The following PTPRE variants were observed in gnomAD, a reference collection of about 807,000 sequenced individuals.
The protein encoded by PTPRE is protein tyrosine phosphatase receptor type E.
Under a neutral mutation model 102.0 loss-of-function variants are expected in PTPRE, and 51 were observed. The ratio of observed to expected loss-of-function variants is 0.50; its 90% CI spans 0.40 to 0.63. The LOEUF is 0.63. Among genes scored for constraint, PTPRE ranks in the 30% least tolerant of loss-of-function variants. PTPRE has a pLI of 0.00. For missense variants in PTPRE, 752 were observed against 915.1 expected (o/e 0.82, Z 2.30); for synonymous variants, 345 against 348.2 (o/e 0.99, Z 0.10).
At chr10:127,984,222 C>A (rs1358760903) in intron 2 of PTPRE, among the ~76,000 whole-genome samples, 1 of 151,800 alleles carries the variant, frequency 6.6e-6, no homozygotes, top group Non-Finnish European at 1.5e-5. Context: ...GCTGGGATTA[C>A]AGACAAGCAC....
rs1013856169 is a variant in PTPRE at position 127,965,840 on chromosome 10, C to G, written c.-30-16434C>G. Among the ~76,000 whole-genome samples, 72 of 152,202 alleles carry G rather than the reference C, an allele frequency of 4.7e-4. 1 individual carries two copies. The highest frequency in any genetic ancestry group is 4.4e-3 in the Admixed American group (68 of 15,290). ...CTTTCTGGAGCAGAACACTGCACAC[C>G]AAATTCACTGGTACTGCAGCCACAA... On this transcript the variant is annotated intron_variant, in intron 1 of 20. Coordinates refer to ENST00000254667, the MANE Select transcript of PTPRE (RefSeq NM_006504.6).
At chr10:128,061,057 G>C in intron 8 of PTPRE, 42 bp downstream of exon 8, 1 of 1,586,088 alleles carries the variant, frequency 6.3e-7, no homozygotes, top group Non-Finnish European at 8.7e-7. Flanking sequence ...CCCAGCTGGG[G>C]CATGAGCAGT....
chr10:127,952,529 A>G (rs1224423454), intron 1 of PTPRE, among the ~76,000 whole-genome samples: 2 of 152,198 alleles, frequency 1.3e-5, no homozygotes, highest in African/African-American at 4.8e-5. Flanking sequence ...ATTGCAGTGC[A>G]TTGTGGGCTG....
chr10:128,079,443 G>T, intron 19 of PTPRE, 117 bp from the exon 20 acceptor site: 1 of 1,350,724 alleles, frequency 7.4e-7, no homozygotes, highest in Non-Finnish European at 1.0e-6. Flanking sequence ...GTCAAACTCA[G>T]ATCATTTTCA....
At chr10:127,960,774 A>G (rs1589837880) in intron 1 of PTPRE, among the ~76,000 whole-genome samples, 1 of 152,194 alleles carries the variant, frequency 6.6e-6, no homozygotes, top group South Asian at 2.1e-4. Flanking sequence ...CTGTAATCCC[A>G]GCACTTTGGG....
chr10:127,961,747 T>A (rs1286329747), intron 1 of PTPRE, among the ~76,000 whole-genome samples: 1 of 152,104 alleles, frequency 6.6e-6, no homozygotes, highest in Non-Finnish European at 1.5e-5. Context: ...AGTCACATAT[T>A]TATTTGTACC....
intron 2 of PTPRE, among the ~76,000 whole-genome samples, chr10:127,997,000 T>C (rs1853334389): frequency 6.6e-6 from 1 of 151,366 alleles, no homozygotes; most frequent in African/African-American, 2.4e-5. Context: ...AAGAAGAAAT[T>C]AAAACATGCA....
chr10:128,011,541 C>T (rs951990603), intron 2 of PTPRE, among the ~76,000 whole-genome samples: 1 of 152,232 alleles, frequency 6.6e-6, no homozygotes, highest in Non-Finnish European at 1.5e-5. Context: ...GCATAGCACC[C>T]GGGCTTCAAG....
intron 20 of PTPRE, among the ~76,000 whole-genome samples, chr10:128,079,974 C>A (rs1398096666): frequency 6.6e-6 from 1 of 152,164 alleles, no homozygotes; most frequent in Non-Finnish European, 1.5e-5. Flanking sequence ...AGGATAGGAG[C>A]TTTTGTGTCA....
intron 1 of PTPRE, among the ~76,000 whole-genome samples, chr10:127,909,584 C>T (rs1338878799): frequency 1.3e-5 from 2 of 152,200 alleles, no homozygotes; most frequent in African/African-American, 4.8e-5. Context: ...TTGTGATCTC[C>T]CCTCCCCTTC....
chr10:128,048,527 G>A (rs967964217), intron 5 of PTPRE, among the ~76,000 whole-genome samples: 14 of 152,100 alleles, frequency 9.2e-5, no homozygotes, highest in African/African-American at 2.7e-4. Flanking sequence ...CTCTTAAAAC[G>A]GACCCTTAGA....
intron 11 of PTPRE, among the ~76,000 whole-genome samples, chr10:128,067,266 A>T (rs1411867420): frequency 6.7e-6 from 1 of 150,044 alleles, no homozygotes; most frequent in African/African-American, 2.4e-5. Context: ...ACATGCATAC[A>T]TGTGCACACA....
intron 3 of PTPRE, among the ~76,000 whole-genome samples, chr10:128,046,808 T>A (rs1346489120): frequency 6.6e-6 from 1 of 152,082 alleles, no homozygotes; most frequent in East Asian, 1.9e-4. Context: ...GTGAGGAAGG[T>A]CAACCTGTCA....
At chr10:127,982,631 A>G (rs1248137935) in intron 2 of PTPRE, among the ~76,000 whole-genome samples, 2 of 151,970 alleles carry the variant, frequency 1.3e-5, no homozygotes, top group Non-Finnish European at 2.9e-5. Context: ...AAAAGGGCCT[A>G]GCCTTATCTC....
intron 3 of PTPRE, among the ~76,000 whole-genome samples, chr10:128,043,714 G>A (rs1847890979): frequency 1.3e-5 from 2 of 152,198 alleles, no homozygotes; most frequent in African/African-American, 2.4e-5. Flanking sequence ...AGAATTGTAG[G>A]TAATAGCAGA....
intron 2 of PTPRE, among the ~76,000 whole-genome samples, chr10:128,024,821 G>A (rs180779452): frequency 1.3e-5 from 2 of 152,078 alleles, no homozygotes; most frequent in Non-Finnish European, 2.9e-5. Context: ...AATAAAGTTT[G>A]GTGTATAATC....
chr10:128,036,296 G>A (rs1182095535), intron 2 of PTPRE, among the ~76,000 whole-genome samples: 1 of 151,170 alleles, frequency 6.6e-6, no homozygotes, highest in Non-Finnish European at 1.5e-5. Context: ...CCCACACGCT[G>A]CACTTGCAGC....
At position 128,084,030 on chromosome 10, in the gene PTPRE, AGAG is replaced by A. The variant is rs1204881869; in HGVS notation, c.*1125_*1127del. 1.3e-5 allele frequency: 1 copy of A among 74,948 alleles called. No homozygotes were observed. The highest frequency in any genetic ancestry group is 3.3e-5 in the Non-Finnish European group (1 of 30,538). 4.6% of individuals were successfully genotyped at this position (74,948 alleles called of 1,614,324 possible). A position where few individuals can be genotyped will look rare whatever the true frequency, so the allele number is the denominator to read the frequency against. On this transcript the variant is annotated 3_prime_UTR_variant, in exon 21 of 21. Coordinates refer to ENST00000254667, the MANE Select transcript of PTPRE (RefSeq NM_006504.6). ...CCTTTCAATGTTTAATAAAACAAAA[AGAG>A]AAATCCTTAATCTAAAAGCTAAATT... is the stretch of plus-strand genomic sequence containing the variant.
intron 1 of PTPRE, among the ~76,000 whole-genome samples, chr10:127,909,497 TCTC>T (rs1461177081): frequency 1.3e-5 from 2 of 152,118 alleles, no homozygotes; most frequent in Admixed American, 6.5e-5. Flanking sequence ...CCTCTGTAGT[TCTC>T]CTCCGCAGCT....
Sources: allele counts gnomAD v4.1 joint callset (sites outside exome capture counted in the v4.1 genomes callset), GRCh38; gene constraint gnomAD v4.1.1; transcripts MANE v1.5; gene names NCBI Gene and HGNC (gene_info 2026-07-23, HGNC 2026-07-21).